The following ARID2 variants were observed in gnomAD, a reference collection of about 807,000 sequenced individuals.
The protein encoded by ARID2 is AT-rich interaction domain 2, also known as AT-rich interactive domain-containing protein 2.
In ARID2, 32 loss-of-function variants were observed where a neutral mutation model predicts 184.6. The ratio of observed to expected loss-of-function variants is 0.17; its 90% CI spans 0.13 to 0.23. The LOEUF (loss-of-function observed/expected upper bound fraction) is 0.23, where lower values mean the gene tolerates loss of function less well. ARID2 is among the 10% of genes least tolerant of loss of function. The probability of loss-of-function intolerance (pLI) is 1.00; values close to 1 mark genes in which losing one functional copy is unlikely to be tolerated. For missense variants in ARID2, 1,696 were observed against 2,197.6 expected, an observed-to-expected ratio of 0.77 and a Z score of 4.56; for synonymous variants, 836 against 772.6, an observed-to-expected ratio of 1.08 and a Z score of -1.36.
chr12:45,801,803 A>C (rs1344619184), intron 3 of ARID2, among the ~76,000 whole-genome samples: 2 of 152,004 alleles, frequency 1.3e-5, no homozygotes, highest in African/African-American at 4.8e-5. Flanking sequence ...GGGGTGGGGG[A>C]CAGAGAGAGA....
chr12:45,749,829 C>T (rs888226353), intron 3 of ARID2, among the ~76,000 whole-genome samples: 5 of 152,222 alleles, frequency 3.3e-5, no homozygotes, highest in Non-Finnish European at 7.3e-5. Context: ...CCTCACTTCT[C>T]TCAGTCTTCC....
At chr12:45,859,337 A>G (rs1013672513) in intron 15 of ARID2, among the ~76,000 whole-genome samples, 9 of 152,182 alleles carry the variant, frequency 5.9e-5, no homozygotes, top group Admixed American at 4.6e-4. Flanking sequence ...GCTATTCCAT[A>G]TAGCCTAGGT....
intron 5 of ARID2, among the ~76,000 whole-genome samples, 177 bp downstream of exon 5, chr12:45,818,065 A>C (rs1312261343): frequency 6.6e-6 from 1 of 152,038 alleles, no homozygotes; most frequent in African/African-American, 2.4e-5. Context: ...AAATATTTGA[A>C]TAGTAATTTT....
Position 45,775,459 on chromosome 12 carries a change from G to T in ARID2, c.285-35959G>T, listed in dbSNP as rs141381069. Among the ~76,000 whole-genome samples, 833 of 152,244 alleles carry T rather than the reference G, an allele frequency of 5.5e-3. 7 individuals are homozygous for T. Among genetic ancestry groups the T allele is most frequent in the African/African-American group, 0.019 (794 of 41,542 alleles). ...CTCCATCTGAATCCAGGTGAGAAAA[G>T]AATTTTAAGTTTTCAAATTTTTTCT... On this transcript the variant is annotated intron_variant, in intron 3 of 20. Coordinates refer to ENST00000334344, the MANE Select transcript of ARID2 (RefSeq NM_152641.4).
At chr12:45,884,310 C>T (rs1198748793) in intron 16 of ARID2, among the ~76,000 whole-genome samples, 2 of 152,116 alleles carry the variant, frequency 1.3e-5, no homozygotes, top group Non-Finnish European at 2.9e-5. Flanking sequence ...GCAGGAGAAT[C>T]ACTTAAACCT....
chr12:45,792,936 G>T (rs896262472), intron 3 of ARID2, among the ~76,000 whole-genome samples: 1 of 152,024 alleles, frequency 6.6e-6, no homozygotes, highest in Non-Finnish European at 1.5e-5. Context: ...AAATGTAATT[G>T]GAGGATCTTT....
chr12:45,747,539 C>A (rs547513619), intron 3 of ARID2, among the ~76,000 whole-genome samples: 99 of 152,126 alleles, frequency 6.5e-4, no homozygotes, highest in African/African-American at 2.3e-3. Context: ...TTAGGATCTC[C>A]TGTCACTTGG....
intron 11 of ARID2, among the ~76,000 whole-genome samples, chr12:45,843,181 TAAC>T (rs917662908): frequency 6.6e-6 from 1 of 152,010 alleles, no homozygotes; most frequent in Admixed American, 6.6e-5. Context: ...AAAAAGATAT[TAAC>T]AAGATATGAG....
chr12:45,738,779 CTTT>C (rs11333868), intron 3 of ARID2, among the ~76,000 whole-genome samples: 358 of 61,980 alleles, frequency 5.8e-3, no homozygotes, highest in African/African-American at 0.03. Context: ...ATATGGGCTA[CTTT>C]TTTTTTTTTT....
intron 17 of ARID2, 43 bp downstream of exon 17, chr12:45,891,961 G>C (rs376607960): frequency 6.2e-7 from 1 of 1,613,994 alleles, no homozygotes; most frequent in Middle Eastern, 1.6e-4. Context: ...TCATTTGACT[G>C]CATTAAAGAT....
chr12:45,878,075 A>G (rs1442688587), intron 16 of ARID2, among the ~76,000 whole-genome samples: 1 of 152,224 alleles, frequency 6.6e-6, no homozygotes, highest in Non-Finnish European at 1.5e-5. Flanking sequence ...TTATTCCTAA[A>G]GAGACATCAG....
chr12:45,815,858 A>G (rs1373424244), intron 4 of ARID2, among the ~76,000 whole-genome samples: 1 of 152,074 alleles, frequency 6.6e-6, no homozygotes, highest in Non-Finnish European at 1.5e-5. Context: ...ACAGCATCTC[A>G]TTATATTGCA....
At position 45,851,472 on chromosome 12, in the gene ARID2, G is replaced by T; in HGVS notation, c.3349G>T (p.Ala1117Ser). ...AGFGVQGQTP[A>S]QQLLVGQQNV... ...TTTTGGAGTGCAGGGGCAAACTCCA[G>T]CTCAGCAGCTATTGGTTGGGCAGCA... The change falls in exon 15 of 21, where the codon GCT (alanine) becomes TCT (serine). Residue 1117 changes from alanine (A) to serine (S), a missense_variant. Physicochemically the swap from Ala to Ser is moderately conservative, Grantham distance 99. Coordinates refer to ENST00000334344, the MANE Select transcript of ARID2 (RefSeq NM_152641.4). The T allele has an allele frequency of 6.2e-7, 1 of 1,614,144 alleles. No homozygotes were observed. Among genetic ancestry groups the T allele is most frequent in the South Asian group, 1.1e-5 (1 of 91,082 alleles).
intron 11 of ARID2, 68 bp from the exon 12 acceptor site, chr12:45,846,787 TA>T (rs111639825): frequency 7.5e-5 from 109 of 1,454,914 alleles, no homozygotes; most frequent in South Asian, 1.5e-4. Flanking sequence ...TCAATATCCA[TA>T]AAAAAAAGTA....
chr12:45,833,591 C>G (rs966971725), intron 6 of ARID2, among the ~76,000 whole-genome samples: 40 of 151,996 alleles, frequency 2.6e-4, no homozygotes, highest in African/African-American at 9.2e-4. Context: ...GAATGTTGAA[C>G]TTTGTTTTAG....
chr12:45,837,787 A>G (rs2138133452), intron 10 of ARID2, 80 bp downstream of exon 10: 2 of 1,291,288 alleles, frequency 1.5e-6, no homozygotes, highest in East Asian at 2.4e-5. Flanking sequence ...CCCTCAATTT[A>G]TATTTGAGGT....
intron 4 of ARID2, among the ~76,000 whole-genome samples, chr12:45,811,853 G>A (rs1042056980): frequency 2.0e-5 from 3 of 152,154 alleles, no homozygotes; most frequent in Non-Finnish European, 2.9e-5. Flanking sequence ...AGAAGAGGAA[G>A]ATCCTGTTAG....
intron 3 of ARID2, among the ~76,000 whole-genome samples, chr12:45,761,553 T>A (rs1042040586): frequency 2.0e-5 from 3 of 152,190 alleles, no homozygotes; most frequent in Non-Finnish European, 4.4e-5. Context: ...TTTATTGTCC[T>A]CTTCCTGTCC....
intron 3 of ARID2, among the ~76,000 whole-genome samples, chr12:45,794,512 G>A (rs1592080835): frequency 1.3e-5 from 2 of 152,280 alleles, no homozygotes; most frequent in East Asian, 3.9e-4. Context: ...AATAAGACTA[G>A]TGAGATTCAG....
Sources: gnomAD v4.1 joint callset for allele counts (sites outside exome capture counted in the v4.1 genomes callset) on GRCh38, gnomAD v4.1.1 for gene constraint, MANE v1.5 for transcripts, NCBI Gene and HGNC (gene_info 2026-07-23, HGNC 2026-07-21) for gene names.